EYS: variants seen among roughly 807,000 people sequenced by gnomAD.
EYS encodes EGF-like photoreceptor maintenance factor, also known as protein eyes shut homolog.
Under a neutral mutation model 282.1 loss-of-function variants are expected in EYS, and 250 were observed. The ratio of observed to expected loss-of-function variants is 0.89; its 90% confidence interval spans 0.80 to 0.98. The LOEUF is 0.98. Among genes scored for constraint, EYS ranks in the 50% least tolerant of loss-of-function variants. EYS has a pLI of 0.00. For missense variants in EYS, 4,016 were observed against 3,709.0 expected, an observed-to-expected ratio of 1.08 and a Z score of -2.15; for synonymous variants, 1,355 against 1,282.9, an observed-to-expected ratio of 1.06 and a Z score of -1.20.
chr6:65,119,277 C>A, intron 12 of EYS, among the ~76,000 whole-genome samples: 1 of 152,114 alleles, frequency 6.6e-6, no homozygotes, highest in Non-Finnish European at 1.5e-5. Context: ...ATACCATTAT[C>A]TTAGAGACAT....
At chr6:65,310,609 T>C (rs1769131237) in intron 11 of EYS, among the ~76,000 whole-genome samples, 1 of 152,164 alleles carries the variant, frequency 6.6e-6, no homozygotes, top group Non-Finnish European at 1.5e-5. Flanking sequence ...CTCTTCTGCC[T>C]CATCTGAACC....
At chr6:64,844,070 C>A (rs561669589) in intron 19 of EYS, among the ~76,000 whole-genome samples, 2 of 152,134 alleles carry the variant, frequency 1.3e-5, no homozygotes, top group Non-Finnish European at 2.9e-5. Flanking sequence ...CCTTTCACCT[C>A]CCACCATGAT....
At chr6:63,940,271 G>T (rs1765192933) in intron 35 of EYS, among the ~76,000 whole-genome samples, 1 of 152,004 alleles carries the variant, frequency 6.6e-6, no homozygotes, top group African/African-American at 2.4e-5. Flanking sequence ...TGTAGTTGTG[G>T]TTGCTGCTAT....
intron 30 of EYS, among the ~76,000 whole-genome samples, chr6:64,277,501 C>T (rs1483260480): frequency 1.3e-5 from 2 of 151,972 alleles, no homozygotes; most frequent in African/African-American, 4.8e-5. Flanking sequence ...ATCCATAGCG[C>T]AGGAGACTTT....
chr6:64,088,741 G>T (rs1240113012), intron 31 of EYS, among the ~76,000 whole-genome samples: 3 of 151,746 alleles, frequency 2.0e-5, no homozygotes, highest in Non-Finnish European at 4.4e-5. Context: ...ATATTATAAA[G>T]AAAACACAAA....
chr6:65,414,427 A>G (rs1487294994), intron 5 of EYS, among the ~76,000 whole-genome samples: 1 of 152,180 alleles, frequency 6.6e-6, no homozygotes, highest in Non-Finnish European at 1.5e-5. Flanking sequence ...AGACTACTGC[A>G]GTATTGCAGT....
At chr6:64,544,939 G>A (rs1764805189) in intron 26 of EYS, among the ~76,000 whole-genome samples, 1 of 152,126 alleles carries the variant, frequency 6.6e-6, no homozygotes, top group South Asian at 2.1e-4. Flanking sequence ...TCTACCAGAG[G>A]TACAAGTAGG....
chr6:64,811,774 G>T (rs1162012145), intron 22 of EYS, among the ~76,000 whole-genome samples: 1 of 152,036 alleles, frequency 6.6e-6, no homozygotes, highest in African/African-American at 2.4e-5. Context: ...CCAAACAGAT[G>T]CCTATGCCAT....
At chr6:64,330,336 T>C (rs1346761658) in intron 29 of EYS, among the ~76,000 whole-genome samples, 1 of 152,138 alleles carries the variant, frequency 6.6e-6, no homozygotes, top group Non-Finnish European at 1.5e-5. Flanking sequence ...TGGGAGTTTT[T>C]AGGGGCAGCT....
At chr6:63,772,037 G>T (rs1198577284) in intron 40 of EYS, among the ~76,000 whole-genome samples, 1 of 151,974 alleles carries the variant, frequency 6.6e-6, no homozygotes, top group Non-Finnish European at 1.5e-5. Flanking sequence ...AAGAAGTCTT[G>T]GTTCATTTTA....
At chr6:64,824,951 C>T (rs1183813956) in intron 19 of EYS, among the ~76,000 whole-genome samples, 1 of 151,876 alleles carries the variant, frequency 6.6e-6, no homozygotes, top group Non-Finnish European at 1.5e-5. Context: ...GCATTTTGGT[C>T]TCTATAAACC....
At chr6:63,811,963 A>ACT (rs1343948949) in intron 36 of EYS, among the ~76,000 whole-genome samples, 1 of 152,202 alleles carries the variant, frequency 6.6e-6, no homozygotes, top group Non-Finnish European at 1.5e-5. Context: ...CGTTCAATGC[A>ACT]CTGTTCTTTG....
At chr6:64,766,690 T>C (rs568552262) in intron 22 of EYS, among the ~76,000 whole-genome samples, 2 of 57,122 alleles carry the variant, frequency 3.5e-5, no homozygotes, top group Non-Finnish European at 8.0e-5. Flanking sequence ...ATATAAAATC[T>C]AACAAATTGT....
chr6:64,584,027 AT>A (rs1380948756), intron 26 of EYS, among the ~76,000 whole-genome samples: 1 of 152,102 alleles, frequency 6.6e-6, no homozygotes, highest in Non-Finnish European at 1.5e-5. Flanking sequence ...ACTTACAATA[AT>A]TTTCTATATG....
intron 24 of EYS, among the ~76,000 whole-genome samples, chr6:64,593,758 A>G (rs1479291648): frequency 1.3e-5 from 2 of 152,118 alleles, no homozygotes. Flanking sequence ...TGATTTGCAA[A>G]TTATTTTAGT....
rs1450287425 is a variant in EYS at position 64,969,370 on chromosome 6, C to G, written c.2260-23456G>C. Among the ~76,000 whole-genome samples, 4 of 152,250 alleles carry G rather than the reference C, an allele frequency of 2.6e-5. No homozygotes were observed. In the South Asian group the frequency reaches 8.3e-4, roughly 32 times the overall value. On this transcript the variant is annotated intron_variant, in intron 14 of 42. Coordinates refer to ENST00000503581, the MANE Select transcript of EYS (RefSeq NM_001142800.2). ...CAGTATCACACACATTTGTGAGGAA[C>G]AGTGGGAGTGGAAATCACAATAATG...
At chr6:64,254,722 G>A (rs1224639798) in intron 30 of EYS, among the ~76,000 whole-genome samples, 3 of 151,950 alleles carry the variant, frequency 2.0e-5, no homozygotes, top group Non-Finnish European at 4.4e-5. Context: ...ATCCACTCCC[G>A]TATTCTTGCC....
rs1477949201 is a variant in EYS, at chr6:65,596,421, GC to G, written c.-333+43356del. 6.6e-5 allele frequency among the ~76,000 whole-genome samples: 10 copies of G among 152,156 alleles called. No homozygotes were observed. In the East Asian group the frequency reaches 1.7e-3, roughly 26 times the overall value. On this transcript the variant is annotated intron_variant, in intron 2 of 42. Coordinates refer to ENST00000503581, the MANE Select transcript of EYS (RefSeq NM_001142800.2). ...CTTCAAACAGATAGATATGTATGCA[GC>G]TAGAACCAAATAAAAACAAAGGCCT...
chr6:63,861,715 G>A (rs1436866242), intron 36 of EYS, among the ~76,000 whole-genome samples: 1 of 152,094 alleles, frequency 6.6e-6, no homozygotes, highest in Non-Finnish European at 1.5e-5. Context: ...ATGGGGCAAA[G>A]GTTTCATAAA....
Sources: gnomAD v4.1 joint callset for allele counts (sites outside exome capture counted in the v4.1 genomes callset) on GRCh38, gnomAD v4.1.1 for gene constraint, MANE v1.5 for transcripts, NCBI Gene and HGNC (gene_info 2026-07-23, HGNC 2026-07-21) for gene names.